The following LMO7 variants were observed in gnomAD, a reference collection of about 807,000 sequenced individuals.
LMO7 encodes the protein LIM domain 7, also known as LIM domain only protein 7.
In LMO7, 120 loss-of-function variants were observed where a neutral mutation model predicts 206.5. The ratio of observed to expected loss-of-function variants is 0.58; its 90% CI spans 0.50 to 0.68. LMO7 has a LOEUF of 0.68. Among genes scored for constraint, LMO7 ranks in the 30% least tolerant of loss-of-function variants. The pLI is 0.00. For missense variants in LMO7, 1,959 were observed against 1,957.9 expected, an observed-to-expected ratio of 1.00 and a Z score of -0.01; for synonymous variants, 706 against 681.5, an observed-to-expected ratio of 1.04 and a Z score of -0.56.
intron 13 of LMO7, among the ~76,000 whole-genome samples, chr13:75,820,896 C>T (rs920999625): frequency 1.3e-5 from 2 of 151,676 alleles, no homozygotes; most frequent in Non-Finnish European, 2.9e-5. Context: ...ACTCGGGAGG[C>T]TGAGTCAGGA....
chr13:75,797,126 G>A (rs565990752), intron 6 of LMO7, among the ~76,000 whole-genome samples: 31 of 152,256 alleles, frequency 2.0e-4, no homozygotes, highest in Middle Eastern at 3.4e-3. Context: ...CTGTTCACGC[G>A]CATGGAATTT....
chr13:75,645,659 A>G (rs930017101), intron 1 of LMO7, among the ~76,000 whole-genome samples: 5 of 152,238 alleles, frequency 3.3e-5, no homozygotes, highest in Admixed American at 3.3e-4. Context: ...ACCAGTATCA[A>G]ATGCATTTGG....
chr13:75,849,330 T>C (rs750687336), intron 27 of LMO7, 38 bp downstream of exon 27: 60 of 1,469,188 alleles, frequency 4.1e-5, no homozygotes, highest in Non-Finnish European at 5.6e-5. Context: ...TTGTCTTTAC[T>C]GTGAGGCAGA....
At chr13:75,746,376 T>C (rs1424532517) in intron 3 of LMO7, among the ~76,000 whole-genome samples, 1 of 152,078 alleles carries the variant, frequency 6.6e-6, no homozygotes, top group African/African-American at 2.4e-5. Flanking sequence ...AATGGGGTGA[T>C]CACTGGAAGC....
chr13:75,717,579 A>G (rs1345319866), intron 2 of LMO7, among the ~76,000 whole-genome samples: 1 of 151,736 alleles, frequency 6.6e-6, no homozygotes, highest in Non-Finnish European at 1.5e-5. Context: ...ATTCAATAGA[A>G]AAATATATAT....
At chr13:75,685,131 G>A (rs531632771) in intron 1 of LMO7, among the ~76,000 whole-genome samples, 1 of 152,226 alleles carries the variant, frequency 6.6e-6, no homozygotes, top group African/African-American at 2.4e-5. Context: ...GATTTTCCCA[G>A]AATTTGTTAG....
At chr13:75,648,938 C>T (rs1426313045) in intron 1 of LMO7, among the ~76,000 whole-genome samples, 1 of 152,166 alleles carries the variant, frequency 6.6e-6, no homozygotes, top group Non-Finnish European at 1.5e-5. Flanking sequence ...AGCAAAGCTA[C>T]AGGAAGCTTG....
chr13:75,715,732 T>C (rs1286389352), intron 2 of LMO7, among the ~76,000 whole-genome samples: 1 of 152,206 alleles, frequency 6.6e-6, no homozygotes, highest in Non-Finnish European at 1.5e-5. Flanking sequence ...CAGATAACCA[T>C]ATTTAGTATG....
chr13:75,847,917 T>C (rs902139659), intron 26 of LMO7, among the ~76,000 whole-genome samples: 2 of 152,200 alleles, frequency 1.3e-5, no homozygotes, highest in African/African-American at 4.8e-5. Flanking sequence ...ACGTGCACAA[T>C]GCCACATTTT....
intron 2 of LMO7, among the ~76,000 whole-genome samples, chr13:75,722,438 G>GAAA (rs1418055813): frequency 2.0e-5 from 3 of 152,020 alleles, no homozygotes; most frequent in Non-Finnish European, 4.4e-5. Flanking sequence ...AAAGCATATG[G>GAAA]AAAAATGTAC....
intron 4 of LMO7, among the ~76,000 whole-genome samples, chr13:75,771,692 G>A (rs886537291): frequency 2.3e-5 from 3 of 128,568 alleles, no homozygotes; most frequent in East Asian, 2.4e-4. Flanking sequence ...TCCTCCAAAC[G>A]TCCTTGGCTG....
chr13:75,694,214 A>C (rs2041727023), intron 1 of LMO7, among the ~76,000 whole-genome samples: 1 of 152,198 alleles, frequency 6.6e-6, no homozygotes, highest in South Asian at 2.1e-4. Context: ...AATCCGTGTC[A>C]CAGAAGTTAT....
At position 75,810,157 on chromosome 13, in the gene LMO7, A is replaced by G. The variant is rs572696086; in HGVS notation, c.1946+974A>G. 7.2e-5 allele frequency among the ~76,000 whole-genome samples: 11 copies of G among 152,246 alleles called. No homozygotes were observed. In the South Asian group the frequency reaches 2.1e-3, roughly 29 times the overall value. On this transcript the variant is annotated intron_variant, in intron 11 of 30. Transcript: ENST00000377534. The stretch of plus-strand genomic sequence containing the variant: ...ATCATTTATTCATTCTTAGTACAAA[A>G]TCACAAGGTGGCTATATCTTAATAT...
At chr13:75,849,051 C>G (rs1391155368) in intron 26 of LMO7, 28 bp from the exon 27 acceptor site, 4 of 1,401,702 alleles carry the variant, frequency 2.9e-6, no homozygotes, top group Non-Finnish European at 4.0e-6. Flanking sequence ...GTACTAATCC[C>G]AAAGCTTTTG....
intron 1 of LMO7, among the ~76,000 whole-genome samples, chr13:75,657,466 C>T (rs915390682): frequency 6.6e-6 from 1 of 152,028 alleles, no homozygotes; most frequent in African/African-American, 2.4e-5. Context: ...TTTAATGAGC[C>T]AGCAAAGGAA....
At chr13:75,772,008 A>T (rs1253416276) in intron 4 of LMO7, among the ~76,000 whole-genome samples, 2 of 152,076 alleles carry the variant, frequency 1.3e-5, no homozygotes, top group Non-Finnish European at 2.9e-5. Flanking sequence ...AGTAAGATGA[A>T]ACTCTTCTCT....
At chr13:75,770,448 A>G (rs2049486151) in intron 4 of LMO7, among the ~76,000 whole-genome samples, 1 of 152,040 alleles carries the variant, frequency 6.6e-6, no homozygotes, top group African/African-American at 2.4e-5. Context: ...TGAATATTTC[A>G]TATTCACTAT....
At chr13:75,809,214 G>C (rs771426627) in intron 11 of LMO7, 31 bp downstream of exon 11, 2 of 1,591,008 alleles carry the variant, frequency 1.3e-6, no homozygotes, top group Non-Finnish European at 1.7e-6. Context: ...TAAAAAATCT[G>C]TGCGTGTTGT....
At chr13:75,663,368 T>C (rs1458147966) in intron 1 of LMO7, among the ~76,000 whole-genome samples, 1 of 151,644 alleles carries the variant, frequency 6.6e-6, no homozygotes, top group African/African-American at 2.4e-5. Context: ...GGCTTTGGAA[T>C]AGAGAAAGGT....
Sources: gnomAD v4.1 joint callset for allele counts (sites outside exome capture counted in the v4.1 genomes callset) on GRCh38, gnomAD v4.1.1 for gene constraint, MANE v1.5 for transcripts, NCBI Gene and HGNC (gene_info 2026-07-23, HGNC 2026-07-21) for gene names.